Variants in UNC5C observed in about 807,000 individuals in gnomAD.
The protein encoded by UNC5C is unc-5 netrin receptor C.
Under a neutral mutation model 99.8 loss-of-function variants are expected in UNC5C, and 47 were observed. That is an observed-to-expected ratio of 0.47 (90% CI 0.37 to 0.60). UNC5C has a LOEUF of 0.60. Ranked by LOEUF, UNC5C falls within the 20% of genes least tolerant of loss-of-function variation. The probability of loss-of-function intolerance (pLI) is 0.00; values close to 1 mark genes in which losing one functional copy is unlikely to be tolerated. For synonymous variants in UNC5C, 487 were observed against 452.2 expected (o/e 1.08, Z -0.98); for missense variants, 1,062 against 1,165.9 (o/e 0.91, Z 1.30).
chr4:95,263,213 T>G (rs1015020594), intron 4 of UNC5C, among the ~76,000 whole-genome samples: 2 of 152,164 alleles, frequency 1.3e-5, no homozygotes, highest in African/African-American at 4.8e-5. Flanking sequence ...TTGGATAACT[T>G]TAAGTCAACA....
At chr4:95,180,890 C>G (rs1398098805) in intron 14 of UNC5C, among the ~76,000 whole-genome samples, 1 of 152,160 alleles carries the variant, frequency 6.6e-6, no homozygotes, top group Non-Finnish European at 1.5e-5. Flanking sequence ...AGCCTTTTCT[C>G]TACTTGTTTA....
At chr4:95,458,416 G>A (rs559794628) in intron 1 of UNC5C, among the ~76,000 whole-genome samples, 30 of 152,068 alleles carry the variant, frequency 2.0e-4, no homozygotes, top group African/African-American at 4.3e-4. Context: ...TGCTTTTCCC[G>A]TTAGATATCT....
chr4:95,481,497 T>C (rs1354046736), intron 1 of UNC5C, among the ~76,000 whole-genome samples: 1 of 151,824 alleles, frequency 6.6e-6, no homozygotes, highest in East Asian at 1.9e-4. Flanking sequence ...TTCACAGAAT[T>C]GGAAAAAACT....
chr4:95,479,433 C>A (rs902018381), intron 1 of UNC5C, among the ~76,000 whole-genome samples: 2 of 151,912 alleles, frequency 1.3e-5, no homozygotes, highest in Non-Finnish European at 2.9e-5. Context: ...GATGATACTG[C>A]TATGCACCCA....
intron 1 of UNC5C, among the ~76,000 whole-genome samples, chr4:95,377,212 A>G (rs968191410): frequency 1.3e-5 from 2 of 152,116 alleles, no homozygotes; most frequent in Non-Finnish European, 1.5e-5. Context: ...ACACTTTTCA[A>G]TTTTCTGCTT....
intron 1 of UNC5C, among the ~76,000 whole-genome samples, chr4:95,531,592 A>G (rs2149493036): frequency 6.6e-6 from 1 of 152,382 alleles, no homozygotes; most frequent in East Asian, 1.9e-4. Context: ...ATTTCACTGT[A>G]CTATTTCCTT....
rs549429709 is a variant in UNC5C at position 95,426,776 on chromosome 4, A to G, written c.125-91145T>C. 1.3e-4 allele frequency among the ~76,000 whole-genome samples: 20 copies of G among 152,334 alleles called. No individual in the cohort carries two copies. In the South Asian group the frequency reaches 3.5e-3, roughly 27 times the overall value. The stretch of plus-strand genomic sequence containing the variant: ...TAAAATAAGACCCTAACTCTCTCCA[A>G]TTGTTGGAATGCTGAGAGAACTGAG... On this transcript the variant is annotated intron_variant, in intron 1 of 15. Coordinates refer to ENST00000453304, the MANE Select transcript of UNC5C (RefSeq NM_003728.4).
At chr4:95,521,698 G>GA (rs1722363209) in intron 1 of UNC5C, among the ~76,000 whole-genome samples, 1 of 152,018 alleles carries the variant, frequency 6.6e-6, no homozygotes, top group African/African-American at 2.4e-5. Flanking sequence ...ACATCCATTG[G>GA]AAAAATGTGA....
chr4:95,464,786 T>C (rs80272507), intron 1 of UNC5C, among the ~76,000 whole-genome samples: 28 of 152,308 alleles, frequency 1.8e-4, no homozygotes, highest in South Asian at 1.2e-3. Flanking sequence ...AACCTGAGGG[T>C]GTATTCCCAC....
chr4:95,315,589 G>C (rs908780260), intron 2 of UNC5C, among the ~76,000 whole-genome samples: 9 of 151,984 alleles, frequency 5.9e-5, no homozygotes, highest in Non-Finnish European at 1.3e-4. Flanking sequence ...CAAATGTATT[G>C]CTTCAAAGGA....
At chr4:95,464,575 C>T (rs949706273) in intron 1 of UNC5C, among the ~76,000 whole-genome samples, 6 of 152,072 alleles carry the variant, frequency 3.9e-5, no homozygotes, top group Non-Finnish European at 5.9e-5. Flanking sequence ...GCATTATCAA[C>T]AAGAATGCAT....
chr4:95,273,750 ATATTAT>A (rs1178906310), intron 4 of UNC5C, among the ~76,000 whole-genome samples: 2 of 152,102 alleles, frequency 1.3e-5, no homozygotes, highest in African/African-American at 4.8e-5. Context: ...GAAAATTTAT[ATATTAT>A]TATTGACACC....
At chr4:95,540,882 T>C (rs952509362) in intron 1 of UNC5C, among the ~76,000 whole-genome samples, 1 of 152,200 alleles carries the variant, frequency 6.6e-6, no homozygotes, top group Non-Finnish European at 1.5e-5. Context: ...CCAAAAATCA[T>C]GTATAATAAC....
chr4:95,531,639 G>A (rs1374700052), intron 1 of UNC5C, among the ~76,000 whole-genome samples: 1 of 152,094 alleles, frequency 6.6e-6, no homozygotes, highest in African/African-American at 2.4e-5. Context: ...AAAATAATAG[G>A]CTGTGGTCCT....
At chr4:95,472,788 T>C (rs1748014571) in intron 1 of UNC5C, among the ~76,000 whole-genome samples, 1 of 152,102 alleles carries the variant, frequency 6.6e-6, no homozygotes, top group Non-Finnish European at 1.5e-5. Flanking sequence ...TTCAGGCTTA[T>C]TAACTGGCAA....
chr4:95,252,071 G>T (rs1280239525), intron 4 of UNC5C, among the ~76,000 whole-genome samples: 1 of 152,122 alleles, frequency 6.6e-6, no homozygotes, highest in African/African-American at 2.4e-5. Flanking sequence ...TCCAAATACA[G>T]ACTCTACATT....
chr4:95,484,076 G>T (rs887136151), intron 1 of UNC5C, among the ~76,000 whole-genome samples: 1 of 151,778 alleles, frequency 6.6e-6, no homozygotes, highest in Non-Finnish European at 1.5e-5. Flanking sequence ...AACCATATTG[G>T]TTAGAATATC....
chr4:95,468,639 C>G (rs1214666882), intron 1 of UNC5C, among the ~76,000 whole-genome samples: 1 of 152,064 alleles, frequency 6.6e-6, no homozygotes, highest in Non-Finnish European at 1.5e-5. Context: ...GTAATTCTTC[C>G]AAACCTTTAT....
intron 12 of UNC5C, among the ~76,000 whole-genome samples, chr4:95,192,279 CCA>C (rs1308920130): frequency 2.3e-5 from 3 of 131,566 alleles, no homozygotes; most frequent in African/African-American, 5.9e-5. Context: ...CCTCTTCTGC[CCA>C]CCTCTTCTCA....
Sources: allele counts gnomAD v4.1 joint callset (sites outside exome capture counted in the v4.1 genomes callset), GRCh38; gene constraint gnomAD v4.1.1; transcripts MANE v1.5; gene names NCBI Gene and HGNC (gene_info 2026-07-23, HGNC 2026-07-21).